ADIPOR1: variants seen among roughly 807,000 people sequenced by gnomAD.
ADIPOR1 encodes adiponectin receptor 1.
ADIPOR1 carries 15 observed loss-of-function variants against 37.5 expected under a neutral mutation model. The observed-to-expected ratio is 0.40, with a 90% CI of 0.27 to 0.62. ADIPOR1 has a LOEUF of 0.62. ADIPOR1 is among the 20% of genes least tolerant of loss of function. The probability of loss-of-function intolerance (pLI) is 0.42; values close to 1 mark genes in which losing one functional copy is unlikely to be tolerated. For synonymous variants in ADIPOR1, 173 were observed against 173.2 expected, an observed-to-expected ratio of 1.00 and a Z score of 0.01; for missense variants, 286 against 478.0, an observed-to-expected ratio of 0.60 and a Z score of 3.75.
intron 2 of ADIPOR1, among the ~76,000 whole-genome samples, chr1:202,950,214 C>T (rs1161187608): frequency 1.4e-5 from 2 of 142,270 alleles, no homozygotes; most frequent in Non-Finnish European, 3.3e-5. Flanking sequence ...CCACCTGCCT[C>T]GGCCTCTCAA....
At chr1:202,947,214 C>T (rs1654366324) in intron 3 of ADIPOR1, among the ~76,000 whole-genome samples, 1 of 152,048 alleles carries the variant, frequency 6.6e-6, no homozygotes. Context: ...TGTTTCTCAA[C>T]CTTTTAAGAA....
chr1:202,949,638 T>C (rs912976656), intron 2 of ADIPOR1, among the ~76,000 whole-genome samples: 1 of 150,834 alleles, frequency 6.6e-6, no homozygotes, highest in African/African-American at 2.4e-5. Context: ...GGAGAGAACT[T>C]TCTCTCTCTC....
intron 2 of ADIPOR1, among the ~76,000 whole-genome samples, chr1:202,949,374 A>C (rs2102489267): frequency 6.6e-6 from 1 of 151,424 alleles, no homozygotes; most frequent in Non-Finnish European, 1.5e-5. Context: ...AGGTCAGGAG[A>C]TCGAGACCAT....
At chr1:202,956,347 T>C (rs1245745173) in intron 1 of ADIPOR1, among the ~76,000 whole-genome samples, 1 of 152,212 alleles carries the variant, frequency 6.6e-6, no homozygotes, top group Non-Finnish European at 1.5e-5. Flanking sequence ...TCAAAGGAAA[T>C]TTCCTATGGG....
chr1:202,948,299 C>T lies in ADIPOR1; in HGVS notation c.258+5G>A. On this transcript the variant is annotated splice_donor_5th_base_variant and intron_variant, in intron 3 of 7. Transcript: ENST00000340990. Reference sequence around the variant, plus strand: ...CCTTCCAGGACAGAAGCTCATAGGCCATACCTTGTACACAAACTCTTCCAT... The same window carrying T: ...CCTTCCAGGACAGAAGCTCATAGGCTATACCTTGTACACAAACTCTTCCAT... 6.2e-7 allele frequency: 1 copy of T among 1,601,402 alleles called. No homozygotes were observed.
At chr1:202,957,821 T>G (rs1654841958) in intron 1 of ADIPOR1, among the ~76,000 whole-genome samples, 2 of 152,036 alleles carry the variant, frequency 1.3e-5, no homozygotes, top group Admixed American at 1.3e-4. Flanking sequence ...CGCGGCGGCC[T>G]CGGGGCCAGG....
At position 202,946,626 on chromosome 1, in the gene ADIPOR1, T is replaced by C; in HGVS notation, c.259-16A>G. The stretch of plus-strand genomic sequence containing the variant: ...CCTCCCAGACCTAGAACATATACAC[T>C]TTCTCTGGGTAGGGCACTAGATAGT... On this transcript the variant is annotated splice_polypyrimidine_tract_variant and intron_variant, in intron 3 of 7. Transcript: ENST00000340990. 6.2e-7 allele frequency: 1 copy of C among 1,613,724 alleles called. No homozygotes were observed. The highest frequency in any genetic ancestry group is 8.5e-7 in the Non-Finnish European group (1 of 1,179,868).
At chr1:202,949,646 C>CT (rs1197970922) in intron 2 of ADIPOR1, among the ~76,000 whole-genome samples, 3 of 150,908 alleles carry the variant, frequency 2.0e-5, no homozygotes, top group Admixed American at 1.3e-4. Flanking sequence ...CTTTCTCTCT[C>CT]TCTATCCCAA....
At chr1:202,955,403 T>C (rs1558016314) in intron 1 of ADIPOR1, among the ~76,000 whole-genome samples, 1 of 152,070 alleles carries the variant, frequency 6.6e-6, no homozygotes, top group Admixed American at 6.5e-5. Flanking sequence ...AATTTTATTT[T>C]TTTGTAGAGA....
intron 4 of ADIPOR1, among the ~76,000 whole-genome samples, chr1:202,946,016 G>A (rs757444095): frequency 5.2e-5 from 7 of 135,586 alleles, no homozygotes; most frequent in Non-Finnish European, 1.1e-4. Context: ...TAACCCAAGA[G>A]CTATTGAAAT....
At chr1:202,945,496 A>C (rs1654271112) in intron 4 of ADIPOR1, among the ~76,000 whole-genome samples, 1 of 152,240 alleles carries the variant, frequency 6.6e-6, no homozygotes, top group Non-Finnish European at 1.5e-5. Flanking sequence ...TATTTGATCC[A>C]CCAATCCCAC....
intron 1 of ADIPOR1, among the ~76,000 whole-genome samples, chr1:202,953,822 G>A (rs1479705248): frequency 6.6e-6 from 1 of 152,166 alleles, no homozygotes. Context: ...GGCAGTGGAG[G>A]GAGAGAACCC....
chr1:202,941,914 T>A, intron 7 of ADIPOR1, 111 bp downstream of exon 7: 1 of 1,250,648 alleles, frequency 8.0e-7, no homozygotes, highest in Non-Finnish European at 1.1e-6. Flanking sequence ...TGCACATATA[T>A]GTACCTCCAA....
chr1:202,952,724 T>C (rs1442338848), intron 1 of ADIPOR1, among the ~76,000 whole-genome samples: 1 of 152,218 alleles, frequency 6.6e-6, no homozygotes, highest in African/African-American at 2.4e-5. Flanking sequence ...ATTGTCTAGC[T>C]TGAGATGGCA....
intron 1 of ADIPOR1, among the ~76,000 whole-genome samples, chr1:202,953,847 T>C (rs1225758595): frequency 6.6e-6 from 1 of 152,182 alleles, no homozygotes; most frequent in Non-Finnish European, 1.5e-5. Flanking sequence ...ACTAGAATGG[T>C]CACACACTAA....
intron 2 of ADIPOR1, among the ~76,000 whole-genome samples, 166 bp downstream of exon 2, chr1:202,950,764 A>G (rs1390848023): frequency 6.6e-6 from 1 of 152,242 alleles, no homozygotes; most frequent in Non-Finnish European, 1.5e-5. Context: ...ACAATGGGGA[A>G]AGCAGACAAC....
intron 5 of ADIPOR1, chr1:202,944,665 A>T (rs903051944): frequency 5.6e-6 from 1 of 179,692 alleles, no homozygotes; most frequent in East Asian, 1.4e-4. Flanking sequence ...GCTAATAGTA[A>T]GTTACGCTTG....
chr1:202,945,219 A>G, intron 4 of ADIPOR1, 50 bp from the exon 5 acceptor site: 5 of 1,476,234 alleles, frequency 3.4e-6, no homozygotes, highest in South Asian at 1.4e-5. Context: ...GGGAATGTGT[A>G]CACTTTGATG....
At chr1:202,956,444 G>A (rs1323032145) in intron 1 of ADIPOR1, among the ~76,000 whole-genome samples, 4 of 152,146 alleles carry the variant, frequency 2.6e-5, no homozygotes, top group African/African-American at 7.2e-5. Context: ...CTTACAATAC[G>A]CATGGTGTTG....
Sources: gnomAD v4.1 joint callset for allele counts (sites outside exome capture counted in the v4.1 genomes callset) on GRCh38, gnomAD v4.1.1 for gene constraint, MANE v1.5 for transcripts, NCBI Gene and HGNC (gene_info 2026-07-23, HGNC 2026-07-21) for gene names.